TNC: variants seen among roughly 807,000 people sequenced by gnomAD.
The protein encoded by TNC is tenascin.
In TNC, 109 loss-of-function variants were observed where a neutral mutation model predicts 202.4. That is an observed-to-expected ratio of 0.54 (90% CI 0.46 to 0.63). TNC has a LOEUF of 0.63. Ranked by LOEUF, TNC falls within the 30% of genes least tolerant of loss-of-function variation. TNC has a pLI of 0.00. For synonymous variants in TNC, 1,007 were observed against 1,089.7 expected (o/e 0.92, Z 1.50); for missense variants, 2,756 against 2,833.3 (o/e 0.97, Z 0.62).
Position 115,024,048 on chromosome 9 carries a change from G to T in TNC, c.6420C>A (p.Tyr2140Ter), listed in dbSNP as rs1334606002. 1 of 1,614,038 alleles carries T rather than the reference G, an allele frequency of 6.2e-7. No homozygotes were observed. The highest frequency in any genetic ancestry group is 8.5e-7 in the Non-Finnish European group (1 of 1,179,992). Residue 2140 changes from tyrosine (Y) to a stop codon, truncating the protein, a stop_gained, in exon 27 of 28, where the codon TAC becomes TAA. Transcript: ENST00000350763. LOFTEE classifies it high-confidence loss of function. ...AGTTCCTGTACCAGAAAGCCCCTTT[G>T]TAGGACAGAGCACAGTTGGTGATGG... Reference protein sequence around the residue: ...DSAITNCALSYKGAFWYRNCH... With the variant: ...DSAITNCALS
rs368989830 is a variant in TNC, at chr9:115,080,755, C to CA, written c.2404+1016dup. On this transcript the variant is annotated intron_variant, in intron 6 of 27. Transcript: ENST00000350763. The stretch of plus-strand genomic sequence containing the variant: ...CTGAAACCCCATCTCTACTAAAATA[C>CA]AAAAAAATTAGCCAGATGTGGTGGT... Among the ~76,000 whole-genome samples, 1,230 of 152,012 alleles carry CA rather than the reference C, an allele frequency of 8.1e-3. 20 individuals carry two copies. Among genetic ancestry groups the CA allele is most frequent in the African/African-American group, 0.027 (1,134 of 41,450 alleles).
At chr9:115,028,424 C>T (rs1389133168) in intron 25 of TNC, among the ~76,000 whole-genome samples, 4 of 152,036 alleles carry the variant, frequency 2.6e-5, no homozygotes, top group Admixed American at 1.3e-4. Flanking sequence ...CTCTAAGAAA[C>T]CCATCTTAGC....
At chr9:115,110,421 G>T (rs189206585) in intron 1 of TNC, among the ~76,000 whole-genome samples, 2,947 of 148,078 alleles carry the variant, frequency 0.02, 99 homozygotes, top group African/African-American at 0.075. Flanking sequence ...AGGCTGGGTT[G>T]CTGGGGGCCA....
At chr9:115,078,282 C>A in intron 6 of TNC, 70 bp from the exon 7 acceptor site, 1 of 1,499,650 alleles carries the variant, frequency 6.7e-7, no homozygotes. Context: ...AGAGAGAGGA[C>A]TTTGTAACTC....
At chr9:115,100,765 C>T (rs920603017) in intron 1 of TNC, among the ~76,000 whole-genome samples, 12 of 151,906 alleles carry the variant, frequency 7.9e-5, no homozygotes, top group African/African-American at 1.9e-4. Context: ...CTATGTAAAG[C>T]GATGGATGTG....
intron 25 of TNC, among the ~76,000 whole-genome samples, chr9:115,027,183 G>A (rs1166928439): frequency 6.6e-6 from 1 of 151,970 alleles, no homozygotes; most frequent in Non-Finnish European, 1.5e-5. Context: ...GCTTGCTGGA[G>A]TAATACTAGG....
At chr9:115,082,034 G>T in intron 5 of TNC, 106 bp from the exon 6 acceptor site, 1 of 1,091,674 alleles carries the variant, frequency 9.2e-7, no homozygotes, top group Non-Finnish European at 1.3e-6. Flanking sequence ...TTCTTTCATC[G>T]ATTCATTAGG....
At chr9:115,077,218 C>T (rs1833932883) in intron 7 of TNC, among the ~76,000 whole-genome samples, 1 of 152,172 alleles carries the variant, frequency 6.6e-6, no homozygotes. Context: ...CCACGCCTGG[C>T]TAATTTTTTT....
chr9:115,077,224 T>C (rs1169654106), intron 7 of TNC, among the ~76,000 whole-genome samples: 1 of 151,356 alleles, frequency 6.6e-6, no homozygotes, highest in Non-Finnish European at 1.5e-5. Flanking sequence ...CTGGCTAATT[T>C]TTTTTGTATT....
chr9:115,048,621 C>A, intron 15 of TNC, 89 bp from the exon 16 acceptor site: 1 of 1,286,516 alleles, frequency 7.8e-7, no homozygotes. Context: ...CAATAGATAC[C>A]CAAGTCCATC....
intron 1 of TNC, among the ~76,000 whole-genome samples, chr9:115,103,205 A>T (rs1329315046): frequency 6.6e-6 from 1 of 152,226 alleles, no homozygotes; most frequent in Admixed American, 6.5e-5. Flanking sequence ...AGTACTTTCT[A>T]CTTTGAGACA....
At chr9:115,075,710 T>A (rs950215974) in intron 9 of TNC, among the ~76,000 whole-genome samples, 2 of 151,876 alleles carry the variant, frequency 1.3e-5, no homozygotes, top group Non-Finnish European at 2.9e-5. Context: ...TCTTGAACCC[T>A]GGAGGCGGAG....
intron 15 of TNC, among the ~76,000 whole-genome samples, chr9:115,054,626 G>T (rs1205241311): frequency 3.3e-5 from 5 of 152,188 alleles, no homozygotes; most frequent in African/African-American, 4.8e-5. Flanking sequence ...GCTGAGAAAT[G>T]AGATGCAAGA....
intron 13 of TNC, among the ~76,000 whole-genome samples, chr9:115,061,756 C>T (rs1177694310): frequency 1.3e-5 from 2 of 152,214 alleles, no homozygotes; most frequent in East Asian, 3.9e-4. Context: ...AAAGTTGGCC[C>T]TTTTTCCCAT....
chr9:115,109,237 A>G (rs1192235681), intron 1 of TNC, among the ~76,000 whole-genome samples: 1 of 152,244 alleles, frequency 6.6e-6, no homozygotes. Context: ...TAACAAAACA[A>G]TGACAACAAC....
At chr9:115,054,302 C>A (rs1238355655) in intron 15 of TNC, among the ~76,000 whole-genome samples, 2 of 152,198 alleles carry the variant, frequency 1.3e-5, no homozygotes, top group African/African-American at 4.8e-5. Context: ...GGTTCAGAAG[C>A]AGAATATAGC....
In TNC at chr9:115,086,821, C is replaced by T. The variant is rs775379610; in HGVS notation, c.910G>A (p.Gly304Ser). The T allele has an allele frequency of 1.5e-5, 24 of 1,614,056 alleles. No homozygotes were observed. The highest frequency in any genetic ancestry group is 1.9e-5 in the Non-Finnish European group (22 of 1,180,062). Residue 304 changes from glycine (G) to serine (S), a missense_variant, in exon 3 of 28, where the codon GGT (glycine) becomes AGT (serine). Coordinates refer to ENST00000350763, the MANE Select transcript of TNC (RefSeq NM_002160.4). ...TCACTGCAGTCTTCGCCCGTGAAAC[C>T]CTCATCACACACGCACTCATTCTCC... ...CVENECVCDE[G>S]FTGEDCSELI...
At chr9:115,026,759 C>A in intron 25 of TNC, 64 bp from the exon 26 acceptor site, 2 of 1,562,320 alleles carry the variant, frequency 1.3e-6, no homozygotes, top group Non-Finnish European at 1.7e-6. Context: ...TTCTATTTCA[C>A]TCTGTAAAAG....
Position 115,035,094 on chromosome 9 carries a change from C to T in TNC, c.5787+110G>A, listed in dbSNP as rs578252412. ...AGTCTCTACTAATTTTTTTTTTCAG[C>T]TCCCCAGATGCACTGGGGTAGAAAA... On this transcript the variant is annotated intron_variant, in intron 22 of 27. Transcript: ENST00000350763. 13 of 1,275,014 alleles carry T rather than the reference C, an allele frequency of 1.0e-5. No homozygotes were observed. The South Asian group carries it at 1.9e-4, about 19-fold the overall frequency. 79.0% of individuals were successfully genotyped at this position (1,275,014 alleles called of 1,614,324 possible). A position where few individuals can be genotyped will look rare whatever the true frequency, so the allele number is the denominator to read the frequency against.
Sources: gnomAD v4.1 joint callset for allele counts (sites outside exome capture counted in the v4.1 genomes callset) on GRCh38, gnomAD v4.1.1 for gene constraint, MANE v1.5 for transcripts, NCBI Gene and HGNC (gene_info 2026-07-23, HGNC 2026-07-21) for gene names.